PCDH11Y: variants seen among roughly 807,000 people sequenced by gnomAD.
PCDH11Y encodes protocadherin 11 Y-linked, also known as protocadherin-11 Y-linked.
For missense variants in PCDH11Y, 12 were observed against 224.8 expected (o/e 0.05, Z 6.05); for synonymous variants, 9 against 83.6 (o/e 0.11, Z 4.87).
chrY:5,459,595 T>G (rs2053301390), intron 2 of PCDH11Y, among the ~76,000 whole-genome samples: 9 of 31,691 alleles, frequency 2.8e-4, no homozygotes, highest in Admixed American at 5.8e-4. Flanking sequence ...TTTTTCCCAC[T>G]GGCCCCAACT....
chrY:5,483,870 A>G, intron 2 of PCDH11Y, among the ~76,000 whole-genome samples: 1 of 30,868 alleles, frequency 3.2e-5, no homozygotes, highest in Non-Finnish European at 7.8e-5. Flanking sequence ...TATGTTTTAA[A>G]GTGAGCTTAA....
chrY:5,308,271 A>T, intron 2 of PCDH11Y, among the ~76,000 whole-genome samples: 1 of 33,202 alleles, frequency 3.0e-5, no homozygotes, highest in Non-Finnish European at 7.4e-5. Flanking sequence ...TAAACATGAT[A>T]TCAAACTCAA....
chrY:5,567,298 GTCTTTTGAC>G (rs2053436250), intron 3 of PCDH11Y, among the ~76,000 whole-genome samples: 1 of 31,865 alleles, frequency 3.1e-5, no homozygotes, highest in African/African-American at 1.2e-4. Flanking sequence ...AATTTGTGTG[GTCTTTTGAC>G]TCTTGCTATA....
intron 2 of PCDH11Y, among the ~76,000 whole-genome samples, chrY:5,194,189 A>C (rs2124648763): frequency 3.1e-5 from 1 of 32,345 alleles, no homozygotes; most frequent in South Asian, 7.1e-4. Context: ...TAATGCCAAC[A>C]CTTTGGGAGT....
At chrY:5,071,356 A>T in intron 1 of PCDH11Y, among the ~76,000 whole-genome samples, 2 of 23,411 alleles carry the variant, frequency 8.5e-5, no homozygotes, top group Non-Finnish European at 2.0e-4. Flanking sequence ...AAAATACTTT[A>T]AAAATACTTC....
chrY:5,155,851 G>A, intron 2 of PCDH11Y, among the ~76,000 whole-genome samples: 1 of 27,311 alleles, frequency 3.7e-5, no homozygotes, highest in Non-Finnish European at 8.5e-5. Flanking sequence ...AAAGAAAGGG[G>A]GAGAAAGGGA....
At chrY:5,523,580 C>T in intron 3 of PCDH11Y, among the ~76,000 whole-genome samples, 1 of 29,742 alleles carries the variant, frequency 3.4e-5, no homozygotes, top group South Asian at 8.2e-4. Context: ...TTCTGGTAGG[C>T]ATCTGTTCAG....
intron 3 of PCDH11Y, among the ~76,000 whole-genome samples, chrY:5,049,411 G>A: frequency 6.4e-5 from 2 of 31,350 alleles, no homozygotes; most frequent in African/African-American, 1.3e-4. Flanking sequence ...TTCTACTTCT[G>A]TGAAGAGTGT....
chrY:5,080,650 T>C, intron 1 of PCDH11Y, among the ~76,000 whole-genome samples: 2 of 32,480 alleles, frequency 6.2e-5, no homozygotes, highest in Non-Finnish European at 1.5e-4. Context: ...TTTTTCCATA[T>C]GTTTTCTGGT....
intron 2 of PCDH11Y, among the ~76,000 whole-genome samples, chrY:5,483,773 A>AT (rs2053329208): frequency 3.1e-4 from 10 of 32,431 alleles, no homozygotes; most frequent in Admixed American, 5.6e-4. Context: ...GGAATATGCT[A>AT]TTTTTTGTGA....
intron 4 of PCDH11Y, among the ~76,000 whole-genome samples, chrY:5,720,182 G>A: frequency 3.1e-5 from 1 of 31,784 alleles, no homozygotes; most frequent in Non-Finnish European, 7.6e-5. Context: ...ACTTTGGACC[G>A]TGAACTTTTG....
At chrY:5,462,969 T>TAA (rs2053305190) in intron 2 of PCDH11Y, among the ~76,000 whole-genome samples, 2 of 33,564 alleles carry the variant, frequency 6.0e-5, no homozygotes, top group Non-Finnish European at 1.5e-4. Flanking sequence ...AAATAAGGTA[T>TAA]GGGACACTGA....
chrY:5,514,406 T>A (rs2124689355), intron 3 of PCDH11Y, among the ~76,000 whole-genome samples: 4 of 33,081 alleles, frequency 1.2e-4, no homozygotes, highest in South Asian at 1.3e-3. Context: ...CCAGCAATAA[T>A]AAATATATAG....
intron 4 of PCDH11Y, among the ~76,000 whole-genome samples, chrY:5,660,874 C>A: frequency 3.1e-5 from 1 of 32,180 alleles, no homozygotes. Flanking sequence ...TTTTCTTAAG[C>A]TTTTATTTAT....
At chrY:5,431,274 T>C (rs1569345339) in intron 2 of PCDH11Y, among the ~76,000 whole-genome samples, 1 of 32,727 alleles carries the variant, frequency 3.1e-5, no homozygotes, top group East Asian at 8.1e-4. Context: ...AAAAAGAATG[T>C]GTTATAGCTT....
chrY:5,154,626 GGTGTGTGTGTGT>G (rs61014486), intron 2 of PCDH11Y, among the ~76,000 whole-genome samples: 1 of 27,813 alleles, frequency 3.6e-5, no homozygotes, highest in South Asian at 7.8e-4. Context: ...AAGCTTTAGT[GGTGTGTGTGTGT>G]GTGTGTGTGT....
At chrY:5,280,513 C>T (rs2053052542) in intron 2 of PCDH11Y, among the ~76,000 whole-genome samples, 1 of 31,742 alleles carries the variant, frequency 3.2e-5, no homozygotes, top group African/African-American at 1.2e-4. Flanking sequence ...TTTTCTTTAC[C>T]CAGTTTATCA....
intron 1 of PCDH11Y, among the ~76,000 whole-genome samples, chrY:5,090,284 T>C: frequency 9.0e-5 from 3 of 33,504 alleles, no homozygotes; most frequent in African/African-American, 3.5e-4. Context: ...TAAAAAGCTT[T>C]TGGACTTTTC....
chrY:5,633,080 C>T (rs1249388138), intron 4 of PCDH11Y, among the ~76,000 whole-genome samples: 6 of 31,773 alleles, frequency 1.9e-4, no homozygotes, highest in Non-Finnish European at 4.6e-4. Flanking sequence ...TTCTGAGCAA[C>T]CACTAGTCTG....
Sources: allele counts gnomAD v4.1 joint callset (sites outside exome capture counted in the v4.1 genomes callset), GRCh38; gene constraint gnomAD v4.1.1; transcripts MANE v1.5; gene names NCBI Gene and HGNC (gene_info 2026-07-23, HGNC 2026-07-21).